Variants in PHF14 observed in about 807,000 individuals in gnomAD.
The protein encoded by PHF14 is PHD finger protein 14.
Under a neutral mutation model 117.9 loss-of-function variants are expected in PHF14, and 55 were observed. The observed-to-expected ratio is 0.47, with a 90% CI of 0.38 to 0.58. The LOEUF (loss-of-function observed/expected upper bound fraction) is 0.58. Among genes scored for constraint, PHF14 ranks in the 20% least tolerant of loss-of-function variants. The pLI is 0.00. For missense variants in PHF14, 978 were observed against 1,122.2 expected (o/e 0.87, Z 1.84); for synonymous variants, 409 against 368.6 (o/e 1.11, Z -1.26).
At chr7:11,067,507 C>G (rs959868989) in intron 16 of PHF14, among the ~76,000 whole-genome samples, 3 of 152,134 alleles carry the variant, frequency 2.0e-5, no homozygotes, top group Non-Finnish European at 4.4e-5. Context: ...TAATTGAACA[C>G]CTGTTTTCAT....
intron 16 of PHF14, among the ~76,000 whole-genome samples, chr7:11,091,889 G>T (rs1011440733): frequency 9.2e-5 from 14 of 152,102 alleles, no homozygotes; most frequent in African/African-American, 3.4e-4. Flanking sequence ...GTAAATGACT[G>T]CGTCTTTCAG....
intron 17 of PHF14, among the ~76,000 whole-genome samples, chr7:11,154,257 C>T (rs1023102421): frequency 1.3e-5 from 2 of 151,840 alleles, no homozygotes; most frequent in Admixed American, 6.6e-5. Flanking sequence ...AATTTAAAAT[C>T]ACATCCACTT....
At chr7:11,114,762 C>G (rs1011737752) in intron 17 of PHF14, among the ~76,000 whole-genome samples, 5 of 152,036 alleles carry the variant, frequency 3.3e-5, no homozygotes, top group Non-Finnish European at 5.9e-5. Flanking sequence ...TACACACATA[C>G]AAATACACAG....
At chr7:11,059,507 G>C (rs1785135614) in intron 14 of PHF14, among the ~76,000 whole-genome samples, 1 of 152,186 alleles carries the variant, frequency 6.6e-6, no homozygotes, top group East Asian at 1.9e-4. Flanking sequence ...CAGGTGCAGT[G>C]GTTCACACCT....
At position 10,982,787 on chromosome 7, in the gene PHF14, A is replaced by T; in HGVS notation, c.528A>T (p.Gln176His). The change falls in exon 3 of 18, where the codon CAA becomes CAT. Residue 176 changes from glutamine to histidine, a missense_variant. Physicochemically the swap from Gln to His is conservative, Grantham distance 24. Transcript: ENST00000634607. Reference sequence around the variant, plus strand: ...CTACGACAACCGCTACAGAGGAACAAGTCAGCGAGCCAAAAAAATGGAACC... The same window carrying T: ...CTACGACAACCGCTACAGAGGAACATGTCAGCGAGCCAAAAAAATGGAACC... ...VPTTTTATEE[Q>H]VSEPKKWNLR... The T allele has an allele frequency of 6.2e-7, 1 of 1,613,978 alleles. No individual in the cohort carries two copies. The highest frequency in any genetic ancestry group is 8.5e-7 in the Non-Finnish European group (1 of 1,179,884).
intron 5 of PHF14, among the ~76,000 whole-genome samples, chr7:11,019,014 C>T (rs1286033046): frequency 1.3e-5 from 2 of 152,148 alleles, no homozygotes; most frequent in African/African-American, 4.8e-5. Context: ...TTTTATCCTT[C>T]ATCCTGTTGA....
At chr7:11,086,378 C>G (rs10251254) in intron 16 of PHF14, among the ~76,000 whole-genome samples, 4,945 of 152,144 alleles carry the variant, frequency 0.033, 180 homozygotes, top group African/African-American at 0.086. Context: ...TTTTTTCTTT[C>G]TAAAACTAAC....
At chr7:11,128,382 T>C (rs1355746320) in intron 17 of PHF14, among the ~76,000 whole-genome samples, 1 of 151,998 alleles carries the variant, frequency 6.6e-6, no homozygotes, top group Non-Finnish European at 1.5e-5. Context: ...GTCTTTGTTA[T>C]TTTCCCTACT....
At chr7:11,122,331 T>TTTTTTATATA (rs1236770638) in intron 17 of PHF14, among the ~76,000 whole-genome samples, 2 of 84,052 alleles carry the variant, frequency 2.4e-5, no homozygotes, top group Non-Finnish European at 4.4e-5. Context: ...TTTGTACTTT[T>TTTTTTATATA]TATATATATA....
At chr7:11,080,134 G>T (rs998001592) in intron 16 of PHF14, among the ~76,000 whole-genome samples, 3 of 152,124 alleles carry the variant, frequency 2.0e-5, no homozygotes, top group African/African-American at 7.2e-5. Flanking sequence ...AACATACCAA[G>T]TGTAGTTGGA....
At chr7:11,160,539 C>T (rs1399622563) in intron 17 of PHF14, among the ~76,000 whole-genome samples, 2 of 152,188 alleles carry the variant, frequency 1.3e-5, no homozygotes, top group Non-Finnish European at 1.5e-5. Flanking sequence ...TCCTTTTTCT[C>T]TGCAGCCTTC....
intron 17 of PHF14, among the ~76,000 whole-genome samples, chr7:11,167,445 T>G (rs1344224688): frequency 1.3e-5 from 2 of 152,232 alleles, no homozygotes; most frequent in Admixed American, 1.3e-4. Flanking sequence ...AATTATGTAT[T>G]AATTCAGGCA....
intron 17 of PHF14, among the ~76,000 whole-genome samples, chr7:11,147,363 G>A (rs1319108665): frequency 1.3e-5 from 2 of 152,134 alleles, no homozygotes; most frequent in Non-Finnish European, 2.9e-5. Context: ...TTCGAAGATG[G>A]CTGCTACAAC....
chr7:11,106,695 A>G, intron 16 of PHF14: 12 of 984,316 alleles, frequency 1.2e-5, no homozygotes, highest in Non-Finnish European at 1.3e-5. Flanking sequence ...TTGAGCTGCT[A>G]GTGAGATTTT....
chr7:10,997,986 G>C (rs978594094), intron 4 of PHF14, among the ~76,000 whole-genome samples: 1 of 152,188 alleles, frequency 6.6e-6, no homozygotes, highest in Non-Finnish European at 1.5e-5. Flanking sequence ...GGCTATCTTA[G>C]AGGCTGCCTA....
Position 10,990,852 on chromosome 7 carries a change from T to C in PHF14, c.1045+5T>C. On this transcript the variant is annotated splice_donor_5th_base_variant and intron_variant, in intron 4 of 17. Coordinates refer to ENST00000634607, the MANE Select transcript of PHF14 (RefSeq NM_001007157.2). Reference sequence around the variant, plus strand: ...GTGGCATTACAGTCCATGAAGGTAATGTTGCTTTCTTTTCTCTCTTTTTAG... The same window carrying C: ...GTGGCATTACAGTCCATGAAGGTAACGTTGCTTTCTTTTCTCTCTTTTTAG... 1.9e-6 allele frequency: 3 copies of C among 1,569,450 alleles called. No individual in the cohort carries two copies. The highest frequency in any genetic ancestry group is 1.3e-5 in the African/African-American group (1 of 74,126).
intron 7 of PHF14, among the ~76,000 whole-genome samples, chr7:11,029,321 G>A (rs990584595): frequency 2.6e-5 from 4 of 152,110 alleles, no homozygotes; most frequent in Admixed American, 2.6e-4. Flanking sequence ...GACTGGTTAA[G>A]ATTCGTTCAA....
chr7:11,099,067 A>G (rs1417808118), intron 16 of PHF14, among the ~76,000 whole-genome samples: 1 of 152,108 alleles, frequency 6.6e-6, no homozygotes, highest in Non-Finnish European at 1.5e-5. Flanking sequence ...AAAAATATTC[A>G]TATTTGGATA....
intron 16 of PHF14, chr7:11,062,668 C>T: frequency 1.0e-6 from 1 of 980,542 alleles, no homozygotes; most frequent in Non-Finnish European, 1.2e-6. Flanking sequence ...TTTTTTTAAT[C>T]AGACATAATG....
Sources: gnomAD v4.1 joint callset for allele counts (sites outside exome capture counted in the v4.1 genomes callset) on GRCh38, gnomAD v4.1.1 for gene constraint, MANE v1.5 for transcripts, NCBI Gene and HGNC (gene_info 2026-07-23, HGNC 2026-07-21) for gene names.